SYNE1: variants seen among roughly 807,000 people sequenced by gnomAD.
The protein encoded by SYNE1 is spectrin repeat containing nuclear envelope protein 1.
A neutral mutation model predicts 1,111.0 loss-of-function variants in SYNE1; 616 were observed. The observed-to-expected ratio is 0.55, with a 90% confidence interval of 0.52 to 0.59. SYNE1 has a LOEUF of 0.59. SYNE1 is among the 20% of genes least tolerant of loss of function. The probability of loss-of-function intolerance (pLI) is 0.00; values close to 1 mark genes in which losing one functional copy is unlikely to be tolerated. For missense variants in SYNE1, 10,006 were observed against 10,417.0 expected (o/e 0.96, Z 1.72); for synonymous variants, 3,855 against 3,825.8 (o/e 1.01, Z -0.28).
chr6:152,447,182 G>C (rs2154244481), intron 29 of SYNE1, among the ~76,000 whole-genome samples: 1 of 152,180 alleles, frequency 6.6e-6, no homozygotes, highest in South Asian at 2.1e-4. Context: ...AAATAACAAT[G>C]CTTTTTATAA....
Position 152,367,274 on chromosome 6 carries a change from A to G in SYNE1, c.9916T>C (p.Tyr3306His). The change falls in exon 62 of 146, where the codon TAC (tyrosine) becomes CAC (histidine). Residue 3306 changes from tyrosine to histidine, a missense_variant. By Grantham distance (83) the Tyr-to-His change is moderately conservative (BLOSUM62 2). Coordinates refer to ENST00000367255, the MANE Select transcript of SYNE1 (RefSeq NM_182961.4). ...CTTTTGTCGGATGTCGGGTGGCAGT[A>G]TGAATCCAGCATGTGAATCGCATCC... ...MTDAIHMLDS[Y>H]CHPTSDKSVL... is the part of the protein sequence containing the mutation. 1 of 1,614,260 alleles carries G rather than the reference A, an allele frequency of 6.2e-7. No individual in the cohort carries two copies. The highest frequency in any genetic ancestry group is 8.5e-7 in the Non-Finnish European group (1 of 1,180,050).
chr6:152,239,024 A>G (rs1270268489), intron 108 of SYNE1, among the ~76,000 whole-genome samples: 1 of 151,776 alleles, frequency 6.6e-6, no homozygotes, highest in Non-Finnish European at 1.5e-5. Flanking sequence ...CAGCCTCCCA[A>G]GTAGCTGAGA....
Position 152,180,114 on chromosome 6 carries a change from T to C in SYNE1, c.23460+22A>G, listed in dbSNP as rs1313765613. 5 of 1,613,630 alleles carry C rather than the reference T, an allele frequency of 3.1e-6. No homozygotes were observed. In the African/African-American group the frequency reaches 5.3e-5, roughly 17 times the overall value. On this transcript the variant is annotated intron_variant, in intron 129 of 145. Coordinates refer to ENST00000367255, the MANE Select transcript of SYNE1 (RefSeq NM_182961.4). ...ATAAGCCTTATGAAGAATGAAAACCTAAGTAGCCATGCATTCCATACCTTC... is the reference window on the plus strand; with the variant it reads ...ATAAGCCTTATGAAGAATGAAAACCCAAGTAGCCATGCATTCCATACCTTC...
intron 95 of SYNE1, among the ~76,000 whole-genome samples, chr6:152,290,612 C>G (rs1296167806): frequency 6.6e-6 from 1 of 151,834 alleles, no homozygotes; most frequent in Admixed American, 6.6e-5. Context: ...GCACAGCATT[C>G]CACACAAATT....
intron 3 of SYNE1, among the ~76,000 whole-genome samples, chr6:152,562,265 G>T (rs2099397481): frequency 6.6e-6 from 1 of 152,070 alleles, no homozygotes; most frequent in Non-Finnish European, 1.5e-5. Context: ...TTTCTCAAAA[G>T]AATACATACG....
At chr6:152,390,482 A>G (rs746496254) in intron 52 of SYNE1, 30 bp from the exon 53 acceptor site, 1 of 1,611,834 alleles carries the variant, frequency 6.2e-7, no homozygotes, top group Non-Finnish European at 8.5e-7. Flanking sequence ...ACTCATCAGT[A>G]GGCATGTAAA....
chr6:152,570,921 C>T (rs1028698336), intron 3 of SYNE1, among the ~76,000 whole-genome samples: 2 of 152,026 alleles, frequency 1.3e-5, no homozygotes, highest in Non-Finnish European at 2.9e-5. Flanking sequence ...CAGCCAGATG[C>T]GGAGGAATTC....
At chr6:152,280,851 T>C (rs1055983125) in intron 97 of SYNE1, among the ~76,000 whole-genome samples, 3 of 152,224 alleles carry the variant, frequency 2.0e-5, no homozygotes, top group Admixed American at 1.3e-4. Context: ...GTGCTTTGGA[T>C]ACACATAGAT....
chr6:152,573,541 T>G (rs139484094), intron 3 of SYNE1, among the ~76,000 whole-genome samples: 360 of 152,196 alleles, frequency 2.4e-3, no homozygotes, highest in African/African-American at 8.3e-3. Context: ...ATTCCATTGC[T>G]CACAACTCTT....
intron 115 of SYNE1, among the ~76,000 whole-genome samples, chr6:152,229,581 G>C (rs1259165237): frequency 6.6e-6 from 1 of 152,086 alleles, no homozygotes; most frequent in East Asian, 1.9e-4. Flanking sequence ...CTTGTTCAGA[G>C]GAGGTGAACG....
intron 4 of SYNE1, among the ~76,000 whole-genome samples, chr6:152,532,388 A>G (rs925964869): frequency 1.3e-5 from 2 of 152,258 alleles, no homozygotes; most frequent in Non-Finnish European, 2.9e-5. Context: ...AAAACATTTT[A>G]TCATCAAAAA....
intron 73 of SYNE1, among the ~76,000 whole-genome samples, chr6:152,346,855 G>C (rs576136222): frequency 3.3e-5 from 5 of 151,158 alleles, no homozygotes; most frequent in African/African-American, 1.2e-4. Flanking sequence ...GAAATTCACT[G>C]CTTAGTCACA....
chr6:152,189,758 T>C (rs1287205557), intron 127 of SYNE1, among the ~76,000 whole-genome samples: 1 of 152,222 alleles, frequency 6.6e-6, no homozygotes, highest in Non-Finnish European at 1.5e-5. Context: ...CTAATGATCA[T>C]CTGAGGCCTC....
intron 3 of SYNE1, among the ~76,000 whole-genome samples, chr6:152,625,888 A>G (rs946278410): frequency 4.6e-5 from 7 of 152,156 alleles, no homozygotes; most frequent in East Asian, 1.9e-4. Flanking sequence ...AATCTCCTTT[A>G]GTAAATTATC....
At chr6:152,397,836 A>G (rs958486644) in intron 49 of SYNE1, among the ~76,000 whole-genome samples, 44 of 151,962 alleles carry the variant, frequency 2.9e-4, no homozygotes, top group African/African-American at 1.0e-3. Context: ...CCTCGTCTCT[A>G]CTAAAAATAC....
Position 152,416,983 on chromosome 6 carries a change from G to T in SYNE1, c.5454C>A (p.Gly1818=). ...DHAAEVESKK[G]ELQSLQGHLA... ...AGTGACCCTGCAGACTCTGCAATTC[G>T]CCCTTTTTGCTCTCTACTTCTGCTG... is the stretch of plus-strand genomic sequence containing the variant. The change falls in exon 41 of 146, where the codon GGC becomes GGA. Residue 1818 remains glycine, a synonymous_variant. Transcript: ENST00000367255. 5 of 1,614,112 alleles carry T rather than the reference G, an allele frequency of 3.1e-6. No individual in the cohort carries two copies. Among genetic ancestry groups the T allele is most frequent in the Non-Finnish European group, 4.2e-6 (5 of 1,180,028 alleles).
At chr6:152,627,750 G>A (rs930389609) in intron 3 of SYNE1, among the ~76,000 whole-genome samples, 31 of 152,096 alleles carry the variant, frequency 2.0e-4, no homozygotes, top group African/African-American at 6.8e-4. Context: ...ACCCTGCCAC[G>A]AACAATTCAT....
intron 6 of SYNE1, among the ~76,000 whole-genome samples, chr6:152,518,034 T>C (rs2099120942): frequency 6.6e-6 from 1 of 151,936 alleles, no homozygotes; most frequent in Middle Eastern, 3.4e-3. Context: ...TGAACCTATC[T>C]CTATAACAGA....
chr6:152,615,532 T>C (rs1171388385), intron 3 of SYNE1, among the ~76,000 whole-genome samples: 2 of 152,164 alleles, frequency 1.3e-5, no homozygotes, highest in East Asian at 3.8e-4. Flanking sequence ...TGCTAAGAAT[T>C]ATTGTTTTGA....
Sources: gnomAD v4.1 joint callset for allele counts (sites outside exome capture counted in the v4.1 genomes callset) on GRCh38, gnomAD v4.1.1 for gene constraint, MANE v1.5 for transcripts, NCBI Gene and HGNC (gene_info 2026-07-23, HGNC 2026-07-21) for gene names.